ACSBG1: variants seen among roughly 807,000 people sequenced by gnomAD.
ACSBG1 encodes the protein long-chain-fatty-acid--CoA ligase ACSBG1.
Under a neutral mutation model 80.2 loss-of-function variants are expected in ACSBG1, and 39 were observed. The ratio of observed to expected loss-of-function variants is 0.49; its 90% CI spans 0.38 to 0.64. The LOEUF is 0.64. ACSBG1 is among the 30% of genes least tolerant of loss of function. The pLI is 0.00. For synonymous variants in ACSBG1, 392 were observed against 379.5 expected (o/e 1.03, Z -0.38); for missense variants, 828 against 966.4 (o/e 0.86, Z 1.90).
chr15:78,214,582 G>A (rs1361057506), intron 1 of ACSBG1, among the ~76,000 whole-genome samples: 1 of 151,840 alleles, frequency 6.6e-6, no homozygotes, highest in Non-Finnish European at 1.5e-5. Context: ...TGGGATTATA[G>A]GTGTGCACCA....
chr15:78,182,554 T>A lies in ACSBG1; in HGVS notation c.806A>T (p.Asp269Val), dbSNP rs2074958094. 2.5e-6 allele frequency: 4 copies of A among 1,614,090 alleles called. No individual in the cohort carries two copies. Among genetic ancestry groups the A allele is most frequent in the Non-Finnish European group, 3.4e-6 (4 of 1,179,984 alleles). ...VPEEALDAII[D>V]TQQPNQCCVL... is the part of the protein sequence containing the mutation. ...ACAGCACTGGTTGGGCTGCTGGGTGTCAATGATGGCGTCCAGGGCTTCCTC... is the reference window on the plus strand; with the variant it reads ...ACAGCACTGGTTGGGCTGCTGGGTGACAATGATGGCGTCCAGGGCTTCCTC... The change falls in exon 7 of 14, where the codon GAC becomes GTC. Residue 269 changes from aspartate to valine, a missense_variant. Transcript: ENST00000258873.
At chr15:78,212,904 G>A (rs1005524999) in intron 1 of ACSBG1, among the ~76,000 whole-genome samples, 1 of 152,186 alleles carries the variant, frequency 6.6e-6, no homozygotes, top group African/African-American at 2.4e-5. Flanking sequence ...GGAGGTGGCT[G>A]CCTTGGGGCT....
Position 78,194,575 on chromosome 15 carries a change from G to C in ACSBG1, c.384C>G (p.Asp128Glu), listed in dbSNP as rs770620924. 7 of 1,614,254 alleles carry C rather than the reference G, an allele frequency of 4.3e-6. No homozygotes were observed. The South Asian group carries it at 4.4e-5, about 10-fold the overall frequency. The part of the protein sequence containing the change: ...DLIALGFKRQ[D>E]KWEHISYSQY... ...GGGAGTAGGAGATGTGTTCCCACTT[G>C]TCCTGGCGCTTGAAGCCCAAAGCGA... The change falls in exon 3 of 14, where the codon GAC becomes GAG. Residue 128 changes from aspartate (D) to glutamate (E), a missense_variant. Physicochemically the swap from Asp to Glu is conservative, Grantham distance 45. Coordinates refer to ENST00000258873, the MANE Select transcript of ACSBG1 (RefSeq NM_015162.5).
intron 1 of ACSBG1, among the ~76,000 whole-genome samples, chr15:78,219,282 C>A (rs1383797993): frequency 6.6e-6 from 1 of 151,974 alleles, no homozygotes; most frequent in Non-Finnish European, 1.5e-5. Flanking sequence ...GTGGTGCACA[C>A]CTGTGATCCC....
Position 78,171,155 on chromosome 15 carries a change from CA to C in ACSBG1, c.*288del. Reference sequence around the variant, plus strand: ...TTTTTAATCTACCTGGAACTAAGGCCAAAAATTATCAGCCCTTTCGTTCTGG... The same window carrying C: ...TTTTTAATCTACCTGGAACTAAGGCCAAAATTATCAGCCCTTTCGTTCTGG... On this transcript the variant is annotated 3_prime_UTR_variant, in exon 14 of 14. Transcript: ENST00000258873. 1 of 267,934 alleles carries C rather than the reference CA, an allele frequency of 3.7e-6. No individual in the cohort carries two copies. The highest frequency in any genetic ancestry group is 7.2e-6 in the Non-Finnish European group (1 of 138,318). The allele number at this position is 267,934 out of a possible 1,614,324, so 16.6% of individuals were successfully genotyped here. A position where few individuals can be genotyped will look rare whatever the true frequency, so the allele number is the denominator to read the frequency against.
At chr15:78,201,011 T>C (rs1017836309) in intron 2 of ACSBG1, among the ~76,000 whole-genome samples, 2 of 152,222 alleles carry the variant, frequency 1.3e-5, no homozygotes, top group Non-Finnish European at 2.9e-5. Flanking sequence ...TTGCCTGTGC[T>C]GCGACTCTGC....
In ACSBG1 at chr15:78,182,135, G is replaced by A. The variant is rs761460593; in HGVS notation, c.905C>T (p.Thr302Met). 3 of 1,609,122 alleles carry A rather than the reference G, an allele frequency of 1.9e-6. No individual in the cohort carries two copies. Among genetic ancestry groups the A allele is most frequent in the South Asian group, 1.1e-5 (1 of 91,030 alleles). Residue 302 changes from threonine to methionine, a missense_variant, in exon 8 of 14, where the codon ACG becomes ATG. Physicochemically the swap from Thr to Met is moderately conservative, Grantham distance 81. Transcript: ENST00000258873. ...ACCGGCCTGGCTGCCGTACCGTGCC[G>A]TCCACGTGATCTGGAGGACAAGTAG... ...VMLSQDNITWTARYGSQAGDI... is the reference protein window; with the variant it reads ...VMLSQDNITWMARYGSQAGDI...
chr15:78,194,738 G>A lies in ACSBG1; in HGVS notation c.233-12C>T. 1 of 1,609,664 alleles carries A rather than the reference G, an allele frequency of 6.2e-7. No individual in the cohort carries two copies. The highest frequency in any genetic ancestry group is 2.1e-4 in the Middle Eastern group (1 of 4,818). On this transcript the variant is annotated splice_polypyrimidine_tract_variant and intron_variant, in intron 2 of 13. Coordinates refer to ENST00000258873, the MANE Select transcript of ACSBG1 (RefSeq NM_015162.5). The stretch of plus-strand genomic sequence containing the variant: ...CCACAGCGCCTCCTCTGTGGGGTGG[G>A]GGAGACCACAGCTTGGATCATGCCA...
chr15:78,179,380 G>A (rs1320477815), intron 10 of ACSBG1, among the ~76,000 whole-genome samples, 170 bp downstream of exon 10: 1 of 152,218 alleles, frequency 6.6e-6, no homozygotes, highest in African/African-American at 2.4e-5. Context: ...CTAGGGACTT[G>A]GCCCAAGATG....
Position 78,182,747 on chromosome 15 carries a change from T to C in ACSBG1, c.702A>G (p.Ile234Met). ...TCTTGTTTGGAGGAGGTTCTTTATA[T>C]ATCACGACTGCCTTTAGATGTGGCA... ...KQLPHLKAVV[I>M]YKEPPPNKMA... Residue 234 changes from isoleucine (I) to methionine (M), a missense_variant, in exon 6 of 14, where the codon ATA (isoleucine) becomes ATG (methionine). Transcript: ENST00000258873. 6.2e-7 allele frequency: 1 copy of C among 1,614,240 alleles called. No individual in the cohort carries two copies. Among genetic ancestry groups the C allele is most frequent in the African/African-American group, 1.3e-5 (1 of 75,054 alleles).
intron 2 of ACSBG1, among the ~76,000 whole-genome samples, chr15:78,204,503 A>T (rs1354472045): frequency 6.6e-6 from 1 of 152,202 alleles, no homozygotes; most frequent in African/African-American, 2.4e-5. Flanking sequence ...ACACCCAGGC[A>T]GTGTCTGAGG....
chr15:78,193,315 C>A (rs1186350850), intron 5 of ACSBG1, among the ~76,000 whole-genome samples, 191 bp downstream of exon 5: 2 of 152,254 alleles, frequency 1.3e-5, no homozygotes, highest in Admixed American at 1.3e-4. Context: ...GTCCCTTGAG[C>A]CTCCATTTCC....
chr15:78,196,226 AG>A (rs1235357007), intron 2 of ACSBG1, among the ~76,000 whole-genome samples: 1 of 152,188 alleles, frequency 6.6e-6, no homozygotes, highest in East Asian at 1.9e-4. Context: ...AAGGGCCACT[AG>A]GCCCCGTCCA....
At chr15:78,221,222 C>T (rs548787949) in intron 1 of ACSBG1, among the ~76,000 whole-genome samples, 19 of 151,968 alleles carry the variant, frequency 1.3e-4, no homozygotes, top group Non-Finnish European at 2.1e-4. Context: ...TCTGAGTTCC[C>T]TCAGTATTGA....
chr15:78,207,344 A>T (rs1392517804), intron 2 of ACSBG1, among the ~76,000 whole-genome samples: 1 of 152,222 alleles, frequency 6.6e-6, no homozygotes, highest in African/African-American at 2.4e-5. Flanking sequence ...CTGGTCTGGC[A>T]GCAGTGACCC....
chr15:78,193,844 G>A (rs1482945148), intron 4 of ACSBG1, 88 bp downstream of exon 4: 3 of 1,509,468 alleles, frequency 2.0e-6, no homozygotes, highest in East Asian at 4.9e-5. Flanking sequence ...GGAGTGGGTG[G>A]GGGCTGCTAA....
intron 1 of ACSBG1, among the ~76,000 whole-genome samples, chr15:78,216,689 T>A (rs1368688224): frequency 6.6e-6 from 1 of 152,028 alleles, no homozygotes; most frequent in Non-Finnish European, 1.5e-5. Context: ...CCAAAGGAAG[T>A]GTGTTTGCTG....
chr15:78,203,438 C>T (rs2075186099), intron 2 of ACSBG1, among the ~76,000 whole-genome samples: 1 of 152,268 alleles, frequency 6.6e-6, no homozygotes, highest in Admixed American at 6.5e-5. Context: ...CAGCACACTG[C>T]CCGCCCACCA....
At chr15:78,173,938 CAT>C (rs2141318567) in intron 12 of ACSBG1, 99 bp from the exon 13 acceptor site, 11 of 1,398,952 alleles carry the variant, frequency 7.9e-6, no homozygotes, top group Non-Finnish European at 1.1e-5. Context: ...GGGTGTGAAT[CAT>C]GTGAGCTCTG....
Sources: gnomAD v4.1 joint callset for allele counts (sites outside exome capture counted in the v4.1 genomes callset) on GRCh38, gnomAD v4.1.1 for gene constraint, MANE v1.5 for transcripts, NCBI Gene and HGNC (gene_info 2026-07-23, HGNC 2026-07-21) for gene names.